Variants in AGPAT4 observed in about 807,000 individuals in gnomAD.
AGPAT4 encodes the protein 1-acylglycerol-3-phosphate O-acyltransferase 4.
In AGPAT4, 15 loss-of-function variants were observed where a neutral mutation model predicts 48.0. That is an observed-to-expected ratio of 0.31 (90% confidence interval 0.21 to 0.48). The LOEUF is 0.48. Among genes scored for constraint, AGPAT4 ranks in the 20% least tolerant of loss-of-function variants. The probability of loss-of-function intolerance (pLI) is 0.99; values close to 1 mark genes in which losing one functional copy is unlikely to be tolerated. For synonymous variants in AGPAT4, 178 were observed against 198.7 expected (o/e 0.90, Z 0.88); for missense variants, 314 against 482.5 (o/e 0.65, Z 3.27).
intron 2 of AGPAT4, among the ~76,000 whole-genome samples, chr6:161,191,419 G>C (rs983640900): frequency 6.6e-6 from 1 of 152,196 alleles, no homozygotes; most frequent in East Asian, 1.9e-4. Context: ...AATTCAGTTG[G>C]AGAGACGTCA....
Position 161,219,927 on chromosome 6 carries a change from CA to C in AGPAT4, c.178+12108del, listed in dbSNP as rs1412516482. 1.1e-4 allele frequency among the ~76,000 whole-genome samples: 16 copies of C among 147,686 alleles called. No individual in the cohort carries two copies. Among genetic ancestry groups the C allele is most frequent in the East Asian group, 6.0e-4 (3 of 4,998 alleles). ...GGCAGGCAGGCAGGCGGCAGGCAGGCAGGCAGGCAGGCAGGCAGGCAGACAG... is the reference window on the plus strand; with the variant it reads ...GGCAGGCAGGCAGGCGGCAGGCAGGCGGCAGGCAGGCAGGCAGGCAGACAG... On this transcript the variant is annotated intron_variant, in intron 2 of 8. Coordinates refer to ENST00000320285, the MANE Select transcript of AGPAT4 (RefSeq NM_020133.3). The surrounding 1 kb of genome is among the most constrained non-coding windows in gnomAD (Gnocchi z 4.9).
At position 161,139,544 on chromosome 6, in the gene AGPAT4, G is replaced by A. The variant is rs1214942537; in HGVS notation, c.920C>T (p.Thr307Ile). 2 of 1,613,952 alleles carry A rather than the reference G, an allele frequency of 1.2e-6. No individual in the cohort carries two copies. Among genetic ancestry groups the A allele is most frequent in the Non-Finnish European group, 8.5e-7 (1 of 1,180,014 alleles). ...GGCCCAAAACAGCCAGTTCACGAGG[G>A]TCCAGGGCCGCCGGGGGGGCACCAT... ...TPMVPPRRPW[T>I]LVNWLFWASL... The change falls in exon 8 of 9, where the codon ACC becomes ATC. Residue 307 changes from threonine (T) to isoleucine (I), a missense_variant. Physicochemically the swap from Thr to Ile is moderately conservative, Grantham distance 89. Coordinates refer to ENST00000320285, the MANE Select transcript of AGPAT4 (RefSeq NM_020133.3). The surrounding 1 kb of genome is among the most constrained non-coding windows in gnomAD (Gnocchi z 9.1).
intron 5 of AGPAT4, among the ~76,000 whole-genome samples, chr6:161,152,661 G>A (rs149150639): frequency 3.4e-4 from 52 of 152,286 alleles, no homozygotes; most frequent in African/African-American, 1.3e-3. Flanking sequence ...GCCGGGAGCC[G>A]CATTCAGCTG....
rs527964682 is a variant in AGPAT4, at chr6:161,233,343, C to A, written c.-89-1041G>T. 6.6e-6 allele frequency among the ~76,000 whole-genome samples: 1 copy of A among 152,182 alleles called. No homozygotes were observed. Among genetic ancestry groups the A allele is most frequent in the South Asian group, 2.1e-4 (1 of 4,820 alleles). On this transcript the variant is annotated intron_variant, in intron 1 of 8. Coordinates refer to ENST00000320285, the MANE Select transcript of AGPAT4 (RefSeq NM_020133.3). This position sits in a 1 kb window ranked among gnomAD's most constrained non-coding sequence, Gnocchi z 5.4. ...TGATGAAAAGGAAAGCTGTGAGCAG[C>A]GGACTCGCTTTTCCTGGAAGCAGAA...
chr6:161,227,373 A>G (rs1782010118), intron 2 of AGPAT4, among the ~76,000 whole-genome samples: 2 of 152,216 alleles, frequency 1.3e-5, no homozygotes. Context: ...GTGCTAAAGC[A>G]CAAGCCCCCA....
rs1272514789 is a variant in AGPAT4 at position 161,166,081 on chromosome 6, A to T, written c.348+167T>A. On this transcript the variant is annotated intron_variant, in intron 3 of 8. Coordinates refer to ENST00000320285, the MANE Select transcript of AGPAT4 (RefSeq NM_020133.3). This position sits in a 1 kb window ranked among gnomAD's most constrained non-coding sequence, Gnocchi z 6.7. ...TTATGATTGCCCATAAGAAGCTGTT[A>T]AGACTGACTCCCAGCAAGAATAAAA... 1 of 892,236 alleles carries T rather than the reference A, an allele frequency of 1.1e-6. No homozygotes were observed. The highest frequency in any genetic ancestry group is 2.7e-5 in the Admixed American group (1 of 36,538). 55.3% of individuals were successfully genotyped at this position (892,236 alleles called of 1,614,324 possible).
At position 161,242,512 on chromosome 6, in the gene AGPAT4, A is replaced by G. The variant is rs7765964; in HGVS notation, c.-89-10210T>C. 0.29 allele frequency among the ~76,000 whole-genome samples: 44,574 copies of G among 152,014 alleles called. 8,601 individuals carry two copies. Among genetic ancestry groups the G allele is most frequent in the African/African-American group, 0.56 (23,168 of 41,422 alleles). ...CCCCATCCAGCTCGCCCGCAGCCTC[A>G]TGGGGCTGGAGGGTGCAGACCTCAG... On this transcript the variant is annotated intron_variant, in intron 1 of 8. Coordinates refer to ENST00000320285, the MANE Select transcript of AGPAT4 (RefSeq NM_020133.3). The surrounding 1 kb of genome is among the most constrained non-coding windows in gnomAD (Gnocchi z 5.0).
rs1342580358 is a variant in AGPAT4 at position 161,238,478 on chromosome 6, T to C, written c.-89-6176A>G. On this transcript the variant is annotated intron_variant, in intron 1 of 8. Coordinates refer to ENST00000320285, the MANE Select transcript of AGPAT4 (RefSeq NM_020133.3). The surrounding 1 kb of genome is among the most constrained non-coding windows in gnomAD (Gnocchi z 5.2). Reference sequence around the variant, plus strand: ...TCTCTACCTATCTAGATCAAGACATTGTCTTTAATTTACCTGTAATGTGTT... The same window carrying C: ...TCTCTACCTATCTAGATCAAGACATCGTCTTTAATTTACCTGTAATGTGTT... Among the ~76,000 whole-genome samples, 2 of 152,192 alleles carry C rather than the reference T, an allele frequency of 1.3e-5. No homozygotes were observed. The highest frequency in any genetic ancestry group is 2.9e-5 in the Non-Finnish European group (2 of 68,030).
chr6:161,187,669 T>G (rs914052435), intron 2 of AGPAT4, among the ~76,000 whole-genome samples: 1 of 152,056 alleles, frequency 6.6e-6, no homozygotes, highest in African/African-American at 2.4e-5. Flanking sequence ...GCCTCCCAAG[T>G]AGCTGGGATT....
At position 161,147,389 on chromosome 6, in the gene AGPAT4, A is replaced by C. The variant is rs1779462507; in HGVS notation, c.768-790T>G. ...TCAGGTTGATGGCTCTTGTGATTTC[A>C]AGGGACGTTCATTTATACTCAATTT... On this transcript the variant is annotated intron_variant, in intron 6 of 8. Coordinates refer to ENST00000320285, the MANE Select transcript of AGPAT4 (RefSeq NM_020133.3). This position sits in a 1 kb window ranked among gnomAD's most constrained non-coding sequence, Gnocchi z 4.8. Among the ~76,000 whole-genome samples the C allele has an allele frequency of 6.6e-6, 1 of 152,168 alleles. No homozygotes were observed. The highest frequency in any genetic ancestry group is 6.5e-5 in the Admixed American group (1 of 15,278).
rs1780693634 is a variant in AGPAT4, at chr6:161,184,068, A to G, written c.179-17651T>C. Among the ~76,000 whole-genome samples, 1 of 152,074 alleles carries G rather than the reference A, an allele frequency of 6.6e-6. No individual in the cohort carries two copies. Among genetic ancestry groups the G allele is most frequent in the South Asian group, 2.1e-4 (1 of 4,818 alleles). ...ACAGTCTACTAGAACCTGTGCCACAAAGGGATTGGTTTTGCCCACTGGTGT... is the reference window on the plus strand; with the variant it reads ...ACAGTCTACTAGAACCTGTGCCACAGAGGGATTGGTTTTGCCCACTGGTGT... On this transcript the variant is annotated intron_variant, in intron 2 of 8. Coordinates refer to ENST00000320285, the MANE Select transcript of AGPAT4 (RefSeq NM_020133.3). The surrounding 1 kb of genome is among the most constrained non-coding windows in gnomAD (Gnocchi z 4.8).
In AGPAT4 at chr6:161,249,319, T is replaced by C. The variant is rs1293064477; in HGVS notation, c.-89-17017A>G. Among the ~76,000 whole-genome samples, 1 of 152,156 alleles carries C rather than the reference T, an allele frequency of 6.6e-6. No individual in the cohort carries two copies. The highest frequency in any genetic ancestry group is 1.5e-5 in the Non-Finnish European group (1 of 68,024). On this transcript the variant is annotated intron_variant, in intron 1 of 8. Transcript: ENST00000320285. This position sits in a 1 kb window ranked among gnomAD's most constrained non-coding sequence, Gnocchi z 6.2. ...CAAAAGCAAAAATTGACAAATGGGA[T>C]GTAATTAAACTAAAGAGCTTCTACA...
At chr6:161,157,179 G>A (rs889002783) in intron 3 of AGPAT4, among the ~76,000 whole-genome samples, 2 of 152,186 alleles carry the variant, frequency 1.3e-5, no homozygotes, top group African/African-American at 2.4e-5. Context: ...TTTTTATTTT[G>A]TTAGATTTTC....
In AGPAT4 at chr6:161,195,311, C is replaced by G. The variant is rs534336959; in HGVS notation, c.179-28894G>C. On this transcript the variant is annotated intron_variant, in intron 2 of 8. Coordinates refer to ENST00000320285, the MANE Select transcript of AGPAT4 (RefSeq NM_020133.3). This position sits in a 1 kb window ranked among gnomAD's most constrained non-coding sequence, Gnocchi z 5.0. ...TTTCCCTTTCCAGTGGCAGTCTTCC[C>G]AAAATAAAAGAAAAAAAGTAATTAT... 1.0e-3 allele frequency among the ~76,000 whole-genome samples: 152 copies of G among 152,062 alleles called. No homozygotes were observed. Among genetic ancestry groups the G allele is most frequent in the African/African-American group, 3.4e-3 (143 of 41,456 alleles).
chr6:161,253,755 A>G (rs760182227), intron 1 of AGPAT4, among the ~76,000 whole-genome samples: 7 of 152,148 alleles, frequency 4.6e-5, no homozygotes, highest in Non-Finnish European at 7.3e-5. Flanking sequence ...ATAATGTCTG[A>G]ATCCTTTCGT....
At position 161,148,048 on chromosome 6, in the gene AGPAT4, G is replaced by A. The variant is rs1251263352; in HGVS notation, c.767+1139C>T. Among the ~76,000 whole-genome samples the A allele has an allele frequency of 6.6e-6, 1 of 152,220 alleles. No individual in the cohort carries two copies. Among genetic ancestry groups the A allele is most frequent in the African/African-American group, 2.4e-5 (1 of 41,450 alleles). ...TTTGGAGAGTTGCAGCTACCTGAGA[G>A]GTGAAATAATCTTGTACACATCTTG... On this transcript the variant is annotated intron_variant, in intron 6 of 8. Transcript: ENST00000320285. This position sits in a 1 kb window ranked among gnomAD's most constrained non-coding sequence, Gnocchi z 5.5.
At chr6:161,172,333 T>C (rs1040838617) in intron 2 of AGPAT4, among the ~76,000 whole-genome samples, 4 of 152,144 alleles carry the variant, frequency 2.6e-5, no homozygotes, top group Non-Finnish European at 5.9e-5. Flanking sequence ...CACAGACATG[T>C]CCACTCAGGG....
rs1783518390 is a variant in AGPAT4, at chr6:161,273,924, C to T, written c.-90+14G>A. On this transcript the variant is annotated intron_variant, in intron 1 of 8. Transcript: ENST00000320285. ...GCGGGGAAGGTGCCTGCGAACGGCA[C>T]CAGGACCACATACCTCCTTCCTGGC... The T allele has an allele frequency of 6.6e-6, 1 of 152,042 alleles. No homozygotes were observed. The highest frequency in any genetic ancestry group is 2.4e-5 in the African/African-American group (1 of 41,332). The allele number at this position is 152,042 out of a possible 1,614,324, so 9.4% of individuals were successfully genotyped here. A position where few individuals can be genotyped will look rare whatever the true frequency, so the allele number is the denominator to read the frequency against.
chr6:161,186,805 T>C (rs1051612963), intron 2 of AGPAT4, among the ~76,000 whole-genome samples: 2 of 152,194 alleles, frequency 1.3e-5, no homozygotes, highest in African/African-American at 4.8e-5. Context: ...TCTCTGTACC[T>C]ACCCCAAGCT....
Sources: allele counts gnomAD v4.1 joint callset (sites outside exome capture counted in the v4.1 genomes callset), GRCh38; gene constraint gnomAD v4.1.1; non-coding constraint Gnocchi (gnomAD v3.1); transcripts MANE v1.5; gene names NCBI Gene and HGNC (gene_info 2026-07-23, HGNC 2026-07-21).